The following TENM3 variants were observed in gnomAD, a reference collection of about 807,000 sequenced individuals.
TENM3 encodes the protein teneurin transmembrane protein 3, also known as teneurin-3.
In TENM3, 63 loss-of-function variants were observed where a neutral mutation model predicts 255.1. That is an observed-to-expected ratio of 0.25 (90% CI 0.20 to 0.30). TENM3 has a LOEUF of 0.30. TENM3 is among the 10% of genes least tolerant of loss of function. The pLI is 1.00. For synonymous variants in TENM3, 1,306 were observed against 1,322.3 expected, an observed-to-expected ratio of 0.99 and a Z score of 0.27; for missense variants, 2,929 against 3,461.1, an observed-to-expected ratio of 0.85 and a Z score of 3.86.
chr4:182,422,646 G>T (rs201419719), intron 3 of TENM3, among the ~76,000 whole-genome samples: 2 of 152,166 alleles, frequency 1.3e-5, no homozygotes, highest in East Asian at 3.9e-4. Flanking sequence ...AATTAGAATC[G>T]ACTTGTCATT....
chr4:182,744,074 GC>G lies in TENM3; in HGVS notation c.3629+656del, dbSNP rs368002390. On this transcript the variant is annotated intron_variant, in intron 19 of 27. Coordinates refer to ENST00000511685, the MANE Select transcript of TENM3 (RefSeq NM_001080477.4). ...AATTCAACTCATTATATTTTAGAAG[GC>G]TTTTCTAACTGTGCTTTCTTTTTTT... 9.7e-4 allele frequency: 833 copies of G among 855,906 alleles called. 9 individuals are homozygous for G. The African/African-American group carries it at 0.014, about 15-fold the overall frequency. The allele number at this position is 855,906 out of a possible 1,614,324, so 53.0% of individuals were successfully genotyped here.
At chr4:181,908,645 G>T in the TENM3 span, among the ~76,000 whole-genome samples, 1 of 152,128 alleles carries the variant, frequency 6.6e-6, no homozygotes, top group Non-Finnish European at 1.5e-5. Flanking sequence ...TAGATGCTAA[G>T]AGAATAAACA....
intron 13 of TENM3, among the ~76,000 whole-genome samples, chr4:182,728,559 A>G (rs939467318): frequency 6.6e-6 from 1 of 152,132 alleles, no homozygotes; most frequent in Non-Finnish European, 1.5e-5. Flanking sequence ...CTGTTAGGCA[A>G]TTTCATCATG....
At chr4:182,794,396 A>G (rs963375655) in intron 26 of TENM3, among the ~76,000 whole-genome samples, 5 of 152,232 alleles carry the variant, frequency 3.3e-5, no homozygotes, top group Non-Finnish European at 7.3e-5. Flanking sequence ...TACATGTGTG[A>G]AGTTCTCATG....
chr4:182,034,559 G>T, the TENM3 span, among the ~76,000 whole-genome samples: 1 of 152,130 alleles, frequency 6.6e-6, no homozygotes, highest in African/African-American at 2.4e-5. Context: ...TCCTTCAGGA[G>T]CTCTTGTAAG....
At chr4:182,137,228 T>G in the TENM3 span, among the ~76,000 whole-genome samples, 4 of 152,162 alleles carry the variant, frequency 2.6e-5, no homozygotes, top group Non-Finnish European at 5.9e-5. Flanking sequence ...AATGGACCCC[T>G]TCTTGGGATT....
chr4:181,936,388 C>A, the TENM3 span, among the ~76,000 whole-genome samples: 5 of 152,204 alleles, frequency 3.3e-5, no homozygotes, highest in African/African-American at 1.2e-4. Context: ...GGGTGAGACT[C>A]CATCAAAAGA....
chr4:181,678,247 CAG>C, the TENM3 span, among the ~76,000 whole-genome samples: 5 of 152,012 alleles, frequency 3.3e-5, no homozygotes, highest in East Asian at 3.9e-4. Flanking sequence ...TTGAAGAAAA[CAG>C]AGTTCAGTGC....
the TENM3 span, among the ~76,000 whole-genome samples, chr4:181,697,344 G>A: frequency 5.9e-4 from 90 of 152,288 alleles, no homozygotes; most frequent in African/African-American, 2.1e-3. Flanking sequence ...TGCAGGAAGT[G>A]CATCAAAGTG....
intron 16 of TENM3, among the ~76,000 whole-genome samples, chr4:182,735,038 CCTT>C: frequency 6.6e-6 from 1 of 152,096 alleles, no homozygotes; most frequent in East Asian, 1.9e-4. Flanking sequence ...CAAATTAACT[CCTT>C]GATATTTCAC....
chr4:182,469,450 C>T (rs1580661394), intron 3 of TENM3, among the ~76,000 whole-genome samples: 1 of 152,120 alleles, frequency 6.6e-6, no homozygotes, highest in East Asian at 1.9e-4. Flanking sequence ...CACGGTGGCT[C>T]ATGCTTGCAG....
intron 22 of TENM3, among the ~76,000 whole-genome samples, chr4:182,767,110 T>C (rs1763782410): frequency 6.6e-6 from 1 of 152,202 alleles, no homozygotes. Context: ...ATCCAGAACC[T>C]GATTTTTGAG....
chr4:181,724,407 A>G, the TENM3 span, among the ~76,000 whole-genome samples: 26 of 151,740 alleles, frequency 1.7e-4, 1 homozygote, highest in South Asian at 5.0e-3. Context: ...GTATTCACCT[A>G]TCTTCCAACT....
chr4:182,604,146 C>T (rs1259727762), intron 4 of TENM3, among the ~76,000 whole-genome samples: 1 of 152,126 alleles, frequency 6.6e-6, no homozygotes, highest in Non-Finnish European at 1.5e-5. Context: ...TATTTCCTTT[C>T]TCTAATGAAT....
At chr4:181,487,431 AT>A in the TENM3 span, among the ~76,000 whole-genome samples, 1 of 152,194 alleles carries the variant, frequency 6.6e-6, no homozygotes, top group Non-Finnish European at 1.5e-5. Flanking sequence ...GGACGTCAAG[AT>A]CAGAGTACCA....
chr4:181,447,851 C>T, the TENM3 span, among the ~76,000 whole-genome samples: 7 of 152,264 alleles, frequency 4.6e-5, no homozygotes, highest in African/African-American at 1.2e-4. Flanking sequence ...CTAGCCATTC[C>T]TGTCATTCTT....
At chr4:181,465,656 A>C in the TENM3 span, among the ~76,000 whole-genome samples, 1 of 152,334 alleles carries the variant, frequency 6.6e-6, no homozygotes, top group Non-Finnish European at 1.5e-5. Context: ...GTAGGCATAT[A>C]TAGCCAAAAC....
At chr4:182,454,979 T>C (rs1187152371) in intron 3 of TENM3, among the ~76,000 whole-genome samples, 1 of 152,208 alleles carries the variant, frequency 6.6e-6, no homozygotes, top group Non-Finnish European at 1.5e-5. Context: ...TTACAATTAA[T>C]GGGAGCTGAG....
chr4:181,604,597 G>C, the TENM3 span, among the ~76,000 whole-genome samples: 2 of 152,162 alleles, frequency 1.3e-5, no homozygotes, highest in Admixed American at 1.3e-4. Context: ...ACCCGTTCTG[G>C]AGTGCCCACG....
Sources: gnomAD v4.1 joint callset for allele counts (sites outside exome capture counted in the v4.1 genomes callset) on GRCh38, gnomAD v4.1.1 for gene constraint, MANE v1.5 for transcripts, NCBI Gene and HGNC (gene_info 2026-07-23, HGNC 2026-07-21) for gene names.